The following SPEF1 variants were observed in gnomAD, a reference collection of about 807,000 sequenced individuals.
The protein encoded by SPEF1 is sperm flagella and cilia-associated protein 1.
A neutral mutation model predicts 31.8 loss-of-function variants in SPEF1; 30 were observed. The observed-to-expected ratio is 0.94, with a 90% CI of 0.70 to 1.28. The LOEUF (loss-of-function observed/expected upper bound fraction) is 1.28, where lower values mean the gene tolerates loss of function less well. Ranked by LOEUF, SPEF1 falls within the 50% of genes most tolerant of loss-of-function variation. The pLI, the probability that SPEF1 is intolerant of heterozygous loss-of-function variation, is 0.00. For missense variants in SPEF1, 298 were observed against 309.6 expected (o/e 0.96, Z 0.28); for synonymous variants, 126 against 130.1 (o/e 0.97, Z 0.21).
chr20:3,781,083 C>T (rs2088776612), intron 1 of SPEF1, 96 bp downstream of exon 1: 1 of 1,539,326 alleles, frequency 6.5e-7, no homozygotes, highest in Admixed American at 1.9e-5. Flanking sequence ...AGATTCCTCC[C>T]CACTCCCACA....
chr20:3,778,678 GC>G, intron 5 of SPEF1, 67 bp downstream of exon 5: 1 of 1,591,900 alleles, frequency 6.3e-7, no homozygotes. Flanking sequence ...AGCGTACCGT[GC>G]CCCCCAACCC....
In SPEF1 at chr20:3,778,134, T is replaced by G. The variant is rs996345902; in HGVS notation, c.*78A>C. 2 of 1,042,056 alleles carry G rather than the reference T, an allele frequency of 1.9e-6. No homozygotes were observed. Among genetic ancestry groups the G allele is most frequent in the African/African-American group, 3.2e-5 (2 of 61,566 alleles). 64.6% of individuals were successfully genotyped at this position (1,042,056 alleles called of 1,614,324 possible). A position where few individuals can be genotyped will look rare whatever the true frequency, so the allele number is the denominator to read the frequency against. ...CGGGCTCCGCCCTCCCAATGGTCTATCCATCGGTGGGTGGGTCCGGCGCGG... is the reference window on the plus strand; with the variant it reads ...CGGGCTCCGCCCTCCCAATGGTCTAGCCATCGGTGGGTGGGTCCGGCGCGG... On this transcript the variant is annotated 3_prime_UTR_variant, in exon 7 of 7. Coordinates refer to ENST00000379756, the MANE Select transcript of SPEF1 (RefSeq NM_015417.5).
chr20:3,778,454 C>T lies in SPEF1; in HGVS notation c.570G>A (p.Glu190=), dbSNP rs1026639389. 2 of 1,613,922 alleles carry T rather than the reference C, an allele frequency of 1.2e-6. No individual in the cohort carries two copies. Among genetic ancestry groups the T allele is most frequent in the Non-Finnish European group, 1.7e-6 (2 of 1,179,980 alleles). ...PSFVLQIAEK[E]QELLASQETV... ...TCTCTTGAGAGGCCAACAGCTCCTG[C>T]TCCTTTTCAGCGATCTGGAGGACGA... The change falls in exon 6 of 7, where the codon GAG becomes GAA. Residue 190 remains glutamate, a synonymous_variant. Coordinates refer to ENST00000379756, the MANE Select transcript of SPEF1 (RefSeq NM_015417.5).
intron 1 of SPEF1, among the ~76,000 whole-genome samples, chr20:3,780,791 CA>C (rs1022126006): frequency 1.2e-4 from 18 of 152,202 alleles, no homozygotes; most frequent in African/African-American, 3.4e-4. Context: ...AAGACCCCCC[CA>C]AATACAAGAC....
In SPEF1 at chr20:3,779,244, G is replaced by C; in HGVS notation, c.330C>G (p.Arg110=). The C allele has an allele frequency of 1.3e-6, 2 of 1,590,794 alleles. No individual in the cohort carries two copies. Among genetic ancestry groups the C allele is most frequent in the Non-Finnish European group, 1.7e-6 (2 of 1,167,354 alleles). Residue 110 remains arginine (R), a synonymous_variant, in exon 3 of 7, where the codon CGC becomes CGG. Coordinates refer to ENST00000379756, the MANE Select transcript of SPEF1 (RefSeq NM_015417.5). The stretch of plus-strand genomic sequence containing the variant: ...TCCTGCGCCTCTGCCTCTCCTCCAG[G>C]CGCTGCCTCAGCGGGATGAGCACCA... The part of the protein sequence containing the change: ...VELVLIPLRQ[R]LEERQRRRKQ...
chr20:3,779,842 T>TG (rs1229475451), intron 1 of SPEF1, 67 bp from the exon 2 acceptor site: 3 of 199,806 alleles, frequency 1.5e-5, no homozygotes, highest in Non-Finnish European at 2.0e-5. Flanking sequence ...TGAGAGAAGG[T>TG]GGGGGTGGGA....
At position 3,777,723 on chromosome 20, in the gene SPEF1, AG is replaced by A. The variant is rs2088753043; in HGVS notation, c.*488del. On this transcript the variant is annotated 3_prime_UTR_variant, in exon 7 of 7. Transcript: ENST00000379756. This position sits in a 1 kb window ranked among gnomAD's most constrained non-coding sequence, Gnocchi z 4.1. The stretch of plus-strand genomic sequence containing the variant: ...GGTAAGCTCCCAGGAGGGGCAGGGG[AG>A]CCCCTCAGCGGCCCGGGACAGATTC... 6.6e-6 allele frequency: 1 copy of A among 152,356 alleles called. No homozygotes were observed. The highest frequency in any genetic ancestry group is 2.4e-5 in the African/African-American group (1 of 41,396). 9.4% of individuals were successfully genotyped at this position (152,356 alleles called of 1,614,324 possible). A position where few individuals can be genotyped will look rare whatever the true frequency, so the allele number is the denominator to read the frequency against.
chr20:3,781,384 T>C lies in SPEF1; in HGVS notation c.-97A>G. On this transcript the variant is annotated 5_prime_UTR_variant, in exon 1 of 7. An upstream start codon of the reference 5' UTR is lost. Transcript: ENST00000379756. ...CCTTTCTCGCCACTGCAGAAGCCCATAACTGCCTCTGCCTGCCTAATCCAG... is the reference window on the plus strand; with the variant it reads ...CCTTTCTCGCCACTGCAGAAGCCCACAACTGCCTCTGCCTGCCTAATCCAG... 2 of 1,496,382 alleles carry C rather than the reference T, an allele frequency of 1.3e-6. No individual in the cohort carries two copies. The highest frequency in any genetic ancestry group is 2.2e-5 in the Admixed American group (1 of 45,902). 92.7% of individuals were successfully genotyped at this position (1,496,382 alleles called of 1,614,324 possible).
intron 2 of SPEF1, 66 bp downstream of exon 2, chr20:3,779,598 A>C: frequency 1.6e-6 from 2 of 1,237,966 alleles, no homozygotes; most frequent in South Asian, 2.4e-5. Flanking sequence ...CCCTGCCACC[A>C]AAACAGTCTC....
Position 3,778,243 on chromosome 20 carries a change from C to G in SPEF1, c.680G>C (p.Arg227Pro). Residue 227 changes from arginine to proline, a missense_variant, in exon 7 of 7, where the codon CGG becomes CCG. Physicochemically the swap from Arg to Pro is moderately radical, Grantham distance 103 (BLOSUM62 -2). Coordinates refer to ENST00000379756, the MANE Select transcript of SPEF1 (RefSeq NM_015417.5). ...KNVRIEDLSR[R>P]LQQAERKQR ...CTGCTTACGCTCCGCCTGCTGGAGC[C>G]GCCGGGAGAGGTCTTCGATCCGCAC... 1 of 1,605,996 alleles carries G rather than the reference C, an allele frequency of 6.2e-7. No homozygotes were observed. Among genetic ancestry groups the G allele is most frequent in the Non-Finnish European group, 8.5e-7 (1 of 1,176,236 alleles).
intron 2 of SPEF1, 146 bp downstream of exon 2, chr20:3,779,518 G>A (rs888645035): frequency 2.1e-5 from 18 of 863,102 alleles, no homozygotes; most frequent in African/African-American, 1.7e-4. Flanking sequence ...GAGGTTCCTT[G>A]CCTCCTTCCT....
Position 3,779,264 on chromosome 20 carries a change from G to A in SPEF1, c.310C>T (p.Leu104Phe). ...TCCAGGCGCTGCCTCAGCGGGATGA[G>A]CACCAGCTCCACCACGCCTGGGGCG... ...QCAPGVVELV[L>F]IPLRQRLEER... Residue 104 changes from leucine to phenylalanine, a missense_variant, in exon 3 of 7, where the codon CTC (leucine) becomes TTC (phenylalanine). Leu to Phe is a conservative substitution (Grantham distance 22). Coordinates refer to ENST00000379756, the MANE Select transcript of SPEF1 (RefSeq NM_015417.5). 1 of 1,596,900 alleles carries A rather than the reference G, an allele frequency of 6.3e-7. No homozygotes were observed. The highest frequency in any genetic ancestry group is 8.5e-7 in the Non-Finnish European group (1 of 1,171,022).
intron 1 of SPEF1, 70 bp from the exon 2 acceptor site, chr20:3,779,845 G>A: frequency 1.7e-6 from 1 of 589,314 alleles, no homozygotes; most frequent in Non-Finnish European, 3.1e-6. Context: ...GAGAAGGTGG[G>A]GGTGGGAGAA....
chr20:3,781,153 A>C, intron 1 of SPEF1, 26 bp downstream of exon 1: 1 of 1,613,998 alleles, frequency 6.2e-7, no homozygotes, highest in Admixed American at 1.7e-5. Context: ...ACAGGACAGA[A>C]CATGCAGACA....
intron 1 of SPEF1, among the ~76,000 whole-genome samples, chr20:3,780,136 G>A (rs976890045): frequency 2.6e-5 from 4 of 151,796 alleles, no homozygotes; most frequent in Non-Finnish European, 4.4e-5. Flanking sequence ...CCAGGAGTTC[G>A]AGACCAGCCT....
chr20:3,779,792 C>A lies in SPEF1; in HGVS notation c.110-17G>T. On this transcript the variant is annotated splice_polypyrimidine_tract_variant and intron_variant, in intron 1 of 6. Transcript: ENST00000379756. ...CAACAAGGACTGAGGGAGAGGGGAG[C>A]AGACATGGAAAGTGGGGGCATGGGT... The A allele has an allele frequency of 7.1e-7, 1 of 1,409,896 alleles. No individual in the cohort carries two copies. Among genetic ancestry groups the A allele is most frequent in the Middle Eastern group, 1.8e-4 (1 of 5,524 alleles). The allele number at this position is 1,409,896 out of a possible 1,614,324, so 87.3% of individuals were successfully genotyped here.
Position 3,779,244 on chromosome 20 carries a change from G to A in SPEF1, c.330C>T (p.Arg110=). The part of the protein sequence containing the change: ...VELVLIPLRQ[R]LEERQRRRKQ... ...TCCTGCGCCTCTGCCTCTCCTCCAG[G>A]CGCTGCCTCAGCGGGATGAGCACCA... Residue 110 remains arginine (R), a synonymous_variant, in exon 3 of 7, where the codon CGC becomes CGT. Transcript: ENST00000379756. 6.3e-7 allele frequency: 1 copy of A among 1,590,794 alleles called. No homozygotes were observed. The highest frequency in any genetic ancestry group is 1.3e-5 in the African/African-American group (1 of 74,764).
chr20:3,778,861 C>T, intron 4 of SPEF1, 55 bp from the exon 5 acceptor site: 3 of 1,609,772 alleles, frequency 1.9e-6, no homozygotes, highest in Non-Finnish European at 2.6e-6. Context: ...CTCCTGCTTC[C>T]CCCTCCCTAC....
At chr20:3,779,531 TAGA>T (rs1568492769) in intron 2 of SPEF1, 130 bp downstream of exon 2, 1 of 877,654 alleles carries the variant, frequency 1.1e-6, no homozygotes, top group African/African-American at 1.7e-5. Flanking sequence ...TCCTTCCTAA[TAGA>T]AGAGTCTCTT....
Sources: allele counts gnomAD v4.1 joint callset (sites outside exome capture counted in the v4.1 genomes callset), GRCh38; gene constraint gnomAD v4.1.1; non-coding constraint Gnocchi (gnomAD v3.1); transcripts MANE v1.5; gene names NCBI Gene and HGNC (gene_info 2026-07-23, HGNC 2026-07-21).